The following GRM7 variants were observed in gnomAD, a reference collection of about 807,000 sequenced individuals.
GRM7 encodes glutamate metabotropic receptor 7, also known as metabotropic glutamate receptor 7.
In GRM7, 35 loss-of-function variants were observed where a neutral mutation model predicts 84.5. That is an observed-to-expected ratio of 0.41 (90% confidence interval 0.32 to 0.55). GRM7 has a LOEUF of 0.55. Ranked by LOEUF, GRM7 falls within the 20% of genes least tolerant of loss-of-function variation. The probability of loss-of-function intolerance (pLI) is 0.19; values close to 1 mark genes in which losing one functional copy is unlikely to be tolerated. For synonymous variants in GRM7, 487 were observed against 455.1 expected (o/e 1.07, Z -0.89); for missense variants, 1,003 against 1,194.6 (o/e 0.84, Z 2.36).
At chr3:7,670,330 C>T (rs928862801) in intron 8 of GRM7, among the ~76,000 whole-genome samples, 4 of 152,150 alleles carry the variant, frequency 2.6e-5, no homozygotes, top group African/African-American at 9.7e-5. Flanking sequence ...GGAAGATCAG[C>T]AAACATAAGA....
intron 2 of GRM7, among the ~76,000 whole-genome samples, chr3:7,192,406 C>G (rs1369879830): frequency 6.6e-6 from 1 of 152,022 alleles, no homozygotes; most frequent in African/African-American, 2.4e-5. Context: ...GTATTTTATC[C>G]CTGAACCAAC....
At chr3:7,208,751 C>T (rs973118496) in intron 2 of GRM7, among the ~76,000 whole-genome samples, 3 of 152,132 alleles carry the variant, frequency 2.0e-5, no homozygotes, top group African/African-American at 7.2e-5. Context: ...TGGTATTACT[C>T]CATACTGCTC....
At position 7,032,155 on chromosome 3, in the gene GRM7, C is replaced by T. The variant is rs527549436; in HGVS notation, c.520-114297C>T. 7.2e-5 allele frequency among the ~76,000 whole-genome samples: 11 copies of T among 152,294 alleles called. No individual in the cohort carries two copies. The East Asian group carries it at 2.1e-3, about 29-fold the overall frequency. ...AAGCCAGCTTGTGGAACAACATGCT[C>T]TTATACTTTAAGTGATGATTTTGCT... On this transcript the variant is annotated intron_variant, in intron 1 of 9. Coordinates refer to ENST00000357716, the MANE Select transcript of GRM7 (RefSeq NM_000844.4).
chr3:7,697,594 T>C (rs1164124031), intron 9 of GRM7, among the ~76,000 whole-genome samples: 1 of 152,194 alleles, frequency 6.6e-6, no homozygotes, highest in Non-Finnish European at 1.5e-5. Context: ...TACAAAATCA[T>C]TTTAGTTTCT....
intron 1 of GRM7, among the ~76,000 whole-genome samples, chr3:7,096,130 T>C (rs1008354568): frequency 2.0e-5 from 3 of 152,140 alleles, no homozygotes; most frequent in Non-Finnish European, 2.9e-5. Flanking sequence ...TGCTCTCCCC[T>C]ATCCTAAAGC....
At chr3:7,402,779 T>A (rs1014390147) in intron 4 of GRM7, among the ~76,000 whole-genome samples, 6 of 150,732 alleles carry the variant, frequency 4.0e-5, no homozygotes, top group Non-Finnish European at 8.9e-5. Context: ...GGGACACTGG[T>A]ATTATTTTCT....
intron 2 of GRM7, among the ~76,000 whole-genome samples, chr3:7,162,909 A>C (rs886685928): frequency 5.9e-5 from 9 of 151,352 alleles, no homozygotes; most frequent in Non-Finnish European, 1.0e-4. Context: ...ACGGGAGTGC[A>C]CCACAGTACC....
At chr3:7,168,245 G>C (rs535113060) in intron 2 of GRM7, among the ~76,000 whole-genome samples, 1 of 152,138 alleles carries the variant, frequency 6.6e-6, no homozygotes, top group South Asian at 2.1e-4. Flanking sequence ...TTCAACTATT[G>C]TTTCAGTGAT....
chr3:7,549,927 T>C (rs1693365615), intron 7 of GRM7, among the ~76,000 whole-genome samples: 1 of 152,172 alleles, frequency 6.6e-6, no homozygotes, highest in Non-Finnish European at 1.5e-5. Flanking sequence ...AATGAACACA[T>C]CTGTCCTCTT....
At position 7,710,095 on chromosome 3, in the gene GRM7, A is replaced by G. The variant is rs11713036; in HGVS notation, c.2698+29800A>G. 7.5e-3 allele frequency among the ~76,000 whole-genome samples: 1,140 copies of G among 152,150 alleles called. 38 individuals carry two copies. Among genetic ancestry groups the G allele is most frequent in the Admixed American group, 0.048 (735 of 15,272 alleles). On this transcript the variant is annotated intron_variant, in intron 9 of 9. Coordinates refer to ENST00000357716, the MANE Select transcript of GRM7 (RefSeq NM_000844.4). ...GCATAAGTATGTATATTATGTGTGT[A>G]TATATTATTATATATAAACAATACT...
intron 1 of GRM7, among the ~76,000 whole-genome samples, chr3:6,962,354 A>G (rs779793555): frequency 6.6e-6 from 1 of 152,222 alleles, no homozygotes; most frequent in Non-Finnish European, 1.5e-5. Flanking sequence ...CACTAGAGCT[A>G]TGAATTATAT....
chr3:7,364,178 A>T (rs1169339056), intron 4 of GRM7, among the ~76,000 whole-genome samples: 1 of 151,906 alleles, frequency 6.6e-6, no homozygotes, highest in Non-Finnish European at 1.5e-5. Flanking sequence ...TTGTGAGAAA[A>T]AGAATTTCCT....
intron 6 of GRM7, among the ~76,000 whole-genome samples, chr3:7,460,333 C>G (rs1008893489): frequency 3.3e-5 from 5 of 152,008 alleles, no homozygotes; most frequent in Admixed American, 2.6e-4. Flanking sequence ...TTTCATTGCA[C>G]CAAAGTTGCC....
intron 8 of GRM7, among the ~76,000 whole-genome samples, chr3:7,608,616 C>A (rs1412369321): frequency 6.6e-6 from 1 of 152,196 alleles, no homozygotes; most frequent in South Asian, 2.1e-4. Flanking sequence ...GGATATTAGA[C>A]TTTTGTCACA....
Position 7,523,076 on chromosome 3 carries a change from T to A in GRM7, c.1516-55346T>A, listed in dbSNP as rs375476940. ...TTCAGATCTAGGAAAAAGAAATTTC[T>A]GTTGTTCAAGCAATTTCTATTGTAT... is the stretch of plus-strand genomic sequence containing the variant. On this transcript the variant is annotated intron_variant, in intron 7 of 9. Coordinates refer to ENST00000357716, the MANE Select transcript of GRM7 (RefSeq NM_000844.4). Among the ~76,000 whole-genome samples the A allele has an allele frequency of 6.2e-4, 94 of 152,300 alleles. 2 individuals are homozygous for A. In the South Asian group the frequency reaches 0.015, roughly 24 times the overall value.
intron 1 of GRM7, among the ~76,000 whole-genome samples, chr3:7,093,090 GACA>G (rs1412902373): frequency 1.3e-5 from 2 of 151,976 alleles, no homozygotes. Flanking sequence ...CAACAACAGC[GACA>G]ACAACAATAA....
chr3:7,217,081 T>C (rs1696638903), intron 2 of GRM7, among the ~76,000 whole-genome samples: 1 of 152,100 alleles, frequency 6.6e-6, no homozygotes, highest in Admixed American at 6.5e-5. Flanking sequence ...TTGCTGAAAT[T>C]GAAAGAAGGG....
chr3:6,936,340 T>C (rs1318902757), intron 1 of GRM7, among the ~76,000 whole-genome samples: 1 of 152,118 alleles, frequency 6.6e-6, no homozygotes, highest in Non-Finnish European at 1.5e-5. Flanking sequence ...TAGAGGGTGG[T>C]TTTCCAATAA....
chr3:7,637,335 T>C (rs1178708498), intron 8 of GRM7, among the ~76,000 whole-genome samples: 2 of 152,116 alleles, frequency 1.3e-5, no homozygotes, highest in African/African-American at 2.4e-5. Context: ...TCCTGAAAGA[T>C]GTGTATTAGA....
Sources: gnomAD v4.1 joint callset for allele counts (sites outside exome capture counted in the v4.1 genomes callset) on GRCh38, gnomAD v4.1.1 for gene constraint, MANE v1.5 for transcripts, NCBI Gene and HGNC (gene_info 2026-07-23, HGNC 2026-07-21) for gene names.